The following VMP1 variants were observed in gnomAD, a reference collection of about 807,000 sequenced individuals.
VMP1 encodes the protein vacuole membrane protein 1.
Under a neutral mutation model 56.0 loss-of-function variants are expected in VMP1, and 11 were observed. The observed-to-expected ratio is 0.20, with a 90% CI of 0.12 to 0.32. The LOEUF (loss-of-function observed/expected upper bound fraction) is 0.32. Among genes scored for constraint, VMP1 ranks in the 10% least tolerant of loss-of-function variants. The pLI is 1.00. For synonymous variants in VMP1, 149 were observed against 165.0 expected, an observed-to-expected ratio of 0.90 and a Z score of 0.74; for missense variants, 296 against 490.3, an observed-to-expected ratio of 0.60 and a Z score of 3.74.
chr17:59,797,441 C>T (rs1228045360), intron 7 of VMP1, among the ~76,000 whole-genome samples: 1 of 151,980 alleles, frequency 6.6e-6, no homozygotes, highest in Admixed American at 6.6e-5. Context: ...TTGTGATATA[C>T]CTATACAATG....
intron 6 of VMP1, among the ~76,000 whole-genome samples, chr17:59,771,166 C>CT (rs59535247): frequency 0.45 from 65,898 of 146,210 alleles, 16,954 homozygotes; most frequent in African/African-American, 0.72. Context: ...TACATTACAC[C>CT]TTTTTTTTTT....
intron 1 of VMP1, among the ~76,000 whole-genome samples, chr17:59,708,356 A>G (rs191915435): frequency 3.3e-5 from 5 of 152,312 alleles, no homozygotes; most frequent in Admixed American, 2.6e-4. Context: ...CCCGACCTCT[A>G]TATCTTATTA....
chr17:59,817,459 C>T lies in VMP1; in HGVS notation c.913-253C>T, dbSNP rs532645843. ...CTCCGCCTCCTGGGTTCAAGCAATT[C>T]TCCTGCCTCAGCCTCCCAAGTAGCT... On this transcript the variant is annotated intron_variant, in intron 9 of 11. Coordinates refer to ENST00000262291, the MANE Select transcript of VMP1 (RefSeq NM_030938.5). 2.2e-3 allele frequency among the ~76,000 whole-genome samples: 341 copies of T among 151,636 alleles called. 2 individuals carry two copies. The highest frequency in any genetic ancestry group is 3.8e-3 in the Non-Finnish European group (258 of 67,880).
chr17:59,802,887 C>T (rs1372949867), intron 7 of VMP1, among the ~76,000 whole-genome samples: 5 of 150,950 alleles, frequency 3.3e-5, no homozygotes, highest in East Asian at 1.9e-4. Flanking sequence ...GCTGGGATTA[C>T]AGGCATGCGC....
intron 5 of VMP1, among the ~76,000 whole-genome samples, chr17:59,764,539 G>A (rs1319453662): frequency 1.3e-5 from 2 of 152,160 alleles, no homozygotes; most frequent in East Asian, 3.8e-4. Context: ...GCCCAGGCTG[G>A]TCTTGAACTC....
intron 5 of VMP1, among the ~76,000 whole-genome samples, chr17:59,744,222 A>C (rs954724319): frequency 6.6e-6 from 1 of 151,696 alleles, no homozygotes; most frequent in African/African-American, 2.4e-5. Context: ...GCACTTTGGG[A>C]GGCCGAGGCG....
intron 1 of VMP1, among the ~76,000 whole-genome samples, chr17:59,718,894 T>TCACA (rs1408397836): frequency 6.6e-6 from 1 of 151,904 alleles, no homozygotes; most frequent in African/African-American, 2.4e-5. Flanking sequence ...ATATCCCCAT[T>TCACA]CACATTATTA....
chr17:59,720,964 A>C (rs1434122197), intron 1 of VMP1, among the ~76,000 whole-genome samples: 1 of 151,348 alleles, frequency 6.6e-6, no homozygotes, highest in African/African-American at 2.4e-5. Context: ...CAAGAGCGAA[A>C]CTCCATCTCA....
chr17:59,715,983 AT>A (rs988687292), intron 1 of VMP1, among the ~76,000 whole-genome samples: 14 of 148,156 alleles, frequency 9.4e-5, no homozygotes, highest in South Asian at 4.3e-4. Context: ...AAAATTTTTT[AT>A]TTTTTTTTTG....
At chr17:59,822,701 C>A (rs1269996940) in intron 10 of VMP1, among the ~76,000 whole-genome samples, 1 of 151,924 alleles carries the variant, frequency 6.6e-6, no homozygotes, top group Non-Finnish European at 1.5e-5. Context: ...AGATTAAGTT[C>A]AATAAAGAGA....
chr17:59,783,195 C>CA (rs1415216330), intron 7 of VMP1, among the ~76,000 whole-genome samples: 2 of 150,738 alleles, frequency 1.3e-5, no homozygotes, highest in African/African-American at 2.4e-5. Context: ...GACTCTGTCT[C>CA]AAAAAAACAA....
chr17:59,725,409 T>C (rs1372451623), intron 1 of VMP1, among the ~76,000 whole-genome samples: 1 of 152,134 alleles, frequency 6.6e-6, no homozygotes, highest in Admixed American at 6.5e-5. Flanking sequence ...CAAGGAAAAA[T>C]GTTAAATCCT....
At chr17:59,808,497 T>G (rs893225616) in intron 7 of VMP1, among the ~76,000 whole-genome samples, 1 of 152,180 alleles carries the variant, frequency 6.6e-6, no homozygotes, top group Admixed American at 6.6e-5. Context: ...AATAATAAAT[T>G]GGTTCATGGT....
Position 59,841,039 on chromosome 17 carries a change from C to T in VMP1, c.*1128C>T. The T allele has an allele frequency of 5.4e-6, 1 of 185,980 alleles. No homozygotes were observed. The allele number at this position is 185,980 out of a possible 1,614,324, so 11.5% of individuals were successfully genotyped here. A position where few individuals can be genotyped will look rare whatever the true frequency, so the allele number is the denominator to read the frequency against. ...TTCCATTGGGATGTTTTTGATTGAA[C>T]TTGTTCATTTTGTTTTGCTTGGGAG... On this transcript the variant is annotated 3_prime_UTR_variant, in exon 12 of 12. Transcript: ENST00000262291.
intron 7 of VMP1, among the ~76,000 whole-genome samples, chr17:59,774,118 G>C (rs2036535236): frequency 6.6e-6 from 1 of 152,092 alleles, no homozygotes; most frequent in Non-Finnish European, 1.5e-5. Context: ...AAAACACCTT[G>C]TCAGAAACCA....
At chr17:59,787,209 C>T (rs1310619349) in intron 7 of VMP1, among the ~76,000 whole-genome samples, 2 of 152,190 alleles carry the variant, frequency 1.3e-5, no homozygotes, top group Non-Finnish European at 2.9e-5. Flanking sequence ...GTTGTGATGT[C>T]TAAGCACACT....
chr17:59,832,761 A>ATTTTTTTTTTT (rs71145580), intron 10 of VMP1, among the ~76,000 whole-genome samples: 665 of 101,126 alleles, frequency 6.6e-3, no homozygotes, highest in Middle Eastern at 0.014. Flanking sequence ...GCCTGGCAAT[A>ATTTTTTTTTTT]TTTTTTTTTT....
chr17:59,749,879 A>G (rs1431297384), intron 5 of VMP1, among the ~76,000 whole-genome samples: 1 of 152,172 alleles, frequency 6.6e-6, no homozygotes, highest in Non-Finnish European at 1.5e-5. Context: ...ACTAGAAGCA[A>G]ACTAGTCTGG....
At chr17:59,801,616 C>T (rs531276860) in intron 7 of VMP1, among the ~76,000 whole-genome samples, 10 of 152,002 alleles carry the variant, frequency 6.6e-5, no homozygotes, top group Admixed American at 2.6e-4. Context: ...ATATTTAGGC[C>T]GGATGAGGTG....
Sources: gnomAD v4.1 joint callset for allele counts (sites outside exome capture counted in the v4.1 genomes callset) on GRCh38, gnomAD v4.1.1 for gene constraint, MANE v1.5 for transcripts, NCBI Gene and HGNC (gene_info 2026-07-23, HGNC 2026-07-21) for gene names.